Variants in SEMA5A observed in about 807,000 individuals in gnomAD.
SEMA5A encodes semaphorin-5A.
A neutral mutation model predicts 135.5 loss-of-function variants in SEMA5A; 55 were observed. That is an observed-to-expected ratio of 0.41 (90% CI 0.33 to 0.51). The LOEUF is 0.51. SEMA5A is among the 20% of genes least tolerant of loss of function. The pLI is 0.37. For missense variants in SEMA5A, 1,290 were observed against 1,419.9 expected (o/e 0.91, Z 1.47); for synonymous variants, 580 against 546.5 (o/e 1.06, Z -0.85).
intron 10 of SEMA5A, 31 bp downstream of exon 10, chr5:9,197,137 C>G (rs758473048): frequency 6.2e-7 from 1 of 1,613,432 alleles, no homozygotes; most frequent in South Asian, 1.1e-5. Context: ...TGGGGGATGC[C>G]AACAGTGCCC....
chr5:9,340,427 CA>C (rs1381632879), intron 3 of SEMA5A, among the ~76,000 whole-genome samples: 5 of 152,174 alleles, frequency 3.3e-5, no homozygotes, highest in Admixed American at 3.3e-4. Context: ...AGAAGAAAAT[CA>C]GGTTACTCTT....
intron 16 of SEMA5A, among the ~76,000 whole-genome samples, chr5:9,104,199 A>AT (rs1257590064): frequency 2.6e-5 from 4 of 151,876 alleles, no homozygotes; most frequent in Admixed American, 6.6e-5. Flanking sequence ...TCTCAGGCTG[A>AT]TTTTTTTTCC....
chr5:9,406,246 C>A (rs535418271), intron 2 of SEMA5A, among the ~76,000 whole-genome samples: 2 of 152,066 alleles, frequency 1.3e-5, no homozygotes, highest in Non-Finnish European at 2.9e-5. Flanking sequence ...GCAGAGGCAG[C>A]GATACTAATT....
At chr5:9,210,242 G>A (rs1325349926) in intron 8 of SEMA5A, among the ~76,000 whole-genome samples, 2 of 152,210 alleles carry the variant, frequency 1.3e-5, no homozygotes, top group African/African-American at 4.8e-5. Context: ...ATTGGCAAGT[G>A]TAGAAGCTTC....
intron 5 of SEMA5A, among the ~76,000 whole-genome samples, chr5:9,299,617 G>A (rs1355571202): frequency 6.6e-6 from 1 of 152,156 alleles, no homozygotes; most frequent in Non-Finnish European, 1.5e-5. Context: ...GTTGGGCTCA[G>A]ATGTCAACTT....
At chr5:9,163,164 A>G (rs173794) in intron 11 of SEMA5A, among the ~76,000 whole-genome samples, 55,102 of 151,870 alleles carry the variant, frequency 0.36, 11,421 homozygotes, top group Non-Finnish European at 0.48. Context: ...CCCAGGGCAG[A>G]TCAGACTTCT....
intron 5 of SEMA5A, among the ~76,000 whole-genome samples, chr5:9,308,368 C>T (rs1207145759): frequency 1.3e-5 from 2 of 152,124 alleles, no homozygotes; most frequent in South Asian, 2.1e-4. Flanking sequence ...GGTTATAAAT[C>T]GCCACAGCCC....
intron 16 of SEMA5A, among the ~76,000 whole-genome samples, chr5:9,106,969 A>G (rs1190628801): frequency 6.6e-6 from 1 of 152,208 alleles, no homozygotes; most frequent in African/African-American, 2.4e-5. Context: ...ATATCTGACA[A>G]AGAACCTCAT....
intron 8 of SEMA5A, among the ~76,000 whole-genome samples, chr5:9,220,730 G>A (rs557156337): frequency 2.0e-5 from 3 of 152,282 alleles, no homozygotes; most frequent in Non-Finnish European, 2.9e-5. Context: ...CACTACCTAA[G>A]TATGGTACAG....
intron 4 of SEMA5A, among the ~76,000 whole-genome samples, chr5:9,334,608 A>C (rs1175739604): frequency 6.6e-6 from 1 of 152,170 alleles, no homozygotes; most frequent in Non-Finnish European, 1.5e-5. Flanking sequence ...AAGGGGTAGA[A>C]ATTGTTGCAT....
intron 16 of SEMA5A, among the ~76,000 whole-genome samples, chr5:9,104,639 A>T (rs1205737643): frequency 3.3e-5 from 5 of 152,216 alleles, no homozygotes; most frequent in Non-Finnish European, 7.3e-5. Flanking sequence ...TTCATGCTTC[A>T]TATTTCATTT....
At chr5:9,242,482 T>C (rs1245849869) in intron 5 of SEMA5A, among the ~76,000 whole-genome samples, 1 of 152,200 alleles carries the variant, frequency 6.6e-6, no homozygotes, top group Non-Finnish European at 1.5e-5. Flanking sequence ...CCATGTCAAA[T>C]ACAAGCAAGT....
At chr5:9,093,950 C>A (rs751032718) in intron 16 of SEMA5A, among the ~76,000 whole-genome samples, 48 of 152,116 alleles carry the variant, frequency 3.2e-4, no homozygotes, top group South Asian at 8.3e-4. Flanking sequence ...CTGCCCACAC[C>A]TGTTGGTGCC....
chr5:9,286,864 C>T (rs758318080), intron 5 of SEMA5A, among the ~76,000 whole-genome samples: 1 of 152,236 alleles, frequency 6.6e-6, no homozygotes, highest in Non-Finnish European at 1.5e-5. Context: ...AGCTGAGAGT[C>T]CCCTGAGATC....
At chr5:9,201,820 T>C in intron 9 of SEMA5A, 135 bp downstream of exon 9, 1 of 821,866 alleles carries the variant, frequency 1.2e-6, no homozygotes. Flanking sequence ...AAAAGTCCTC[T>C]TTTTTTGTCT....
At chr5:9,280,159 G>A (rs1439014847) in intron 5 of SEMA5A, among the ~76,000 whole-genome samples, 1 of 152,044 alleles carries the variant, frequency 6.6e-6, no homozygotes, top group Non-Finnish European at 1.5e-5. Flanking sequence ...CTAATACCAG[G>A]GCTTTGTACA....
intron 2 of SEMA5A, among the ~76,000 whole-genome samples, chr5:9,432,950 A>G (rs2135073): frequency 0.73 from 111,134 of 152,094 alleles, 40,983 homozygotes; most frequent in Middle Eastern, 0.84. Context: ...GTCATAGGTT[A>G]TATAAAATCT....
chr5:9,450,920 C>T (rs943520887), intron 1 of SEMA5A, among the ~76,000 whole-genome samples: 1 of 152,160 alleles, frequency 6.6e-6, no homozygotes, highest in African/African-American at 2.4e-5. Context: ...TCATCAACTG[C>T]TTTTTAGGTC....
chr5:9,218,818 T>A (rs1338039109), intron 8 of SEMA5A, among the ~76,000 whole-genome samples: 1 of 152,174 alleles, frequency 6.6e-6, no homozygotes, highest in East Asian at 1.9e-4. Context: ...AAAGAGGATG[T>A]TGGAAGGTGT....
Sources: allele counts gnomAD v4.1 joint callset (sites outside exome capture counted in the v4.1 genomes callset), GRCh38; gene constraint gnomAD v4.1.1; transcripts MANE v1.5; gene names NCBI Gene and HGNC (gene_info 2026-07-23, HGNC 2026-07-21).